CER1: variants seen among roughly 807,000 people sequenced by gnomAD.
CER1 encodes the protein cerberus.
A neutral mutation model predicts 11.8 loss-of-function variants in CER1; 10 were observed. That is an observed-to-expected ratio of 0.85 (90% CI 0.52 to 1.44). The LOEUF (loss-of-function observed/expected upper bound fraction) is 1.44. CER1 is among the 40% of genes most tolerant of loss of function. The pLI is 0.00. For missense variants in CER1, 431 were observed against 327.0 expected (o/e 1.32, Z -2.45); for synonymous variants, 141 against 122.3 (o/e 1.15, Z -1.01).
downstream of CER1, among the ~76,000 whole-genome samples, chr9:14,719,562 CCTTCCT>C (rs1219652783): frequency 4.4e-5 from 2 of 45,564 alleles, no homozygotes; most frequent in Non-Finnish European, 9.1e-5. Flanking sequence ...TGCCTGCCTG[CCTTCCT>C]TCCTTCCTTC....
At chr9:14,721,548 A>C (rs1840012268) in intron 1 of CER1, among the ~76,000 whole-genome samples, 1 of 152,198 alleles carries the variant, frequency 6.6e-6, no homozygotes, top group African/African-American at 2.4e-5. Flanking sequence ...TAATACTAGA[A>C]ATGATATGAC....
chr9:14,720,628 A>G (rs776251950), intron 1 of CER1, among the ~76,000 whole-genome samples: 140 of 152,336 alleles, frequency 9.2e-4, no homozygotes, highest in Non-Finnish European at 1.9e-3. Context: ...AACATAAAAA[A>G]TATTTTACTC....
In CER1 at chr9:14,722,489, G is replaced by A. The variant is rs752154245; in HGVS notation, c.184C>T (p.His62Tyr). ...CCTGCAGGGCTGGTGGCTACAAGGT[G>A]TGGCACTGCGACAAACAGATCTGGC... is the stretch of plus-strand genomic sequence containing the variant. ...EKPDLFVAVP[H>Y]LVATSPAGEG... is the part of the protein sequence containing the mutation. The change falls in exon 1 of 2, where the codon CAC becomes TAC. Residue 62 changes from histidine (H) to tyrosine (Y), a missense_variant. By Grantham distance (83) the His-to-Tyr change is moderately conservative. Transcript: ENST00000380911. 3.1e-6 allele frequency: 5 copies of A among 1,614,058 alleles called. No individual in the cohort carries two copies. Among genetic ancestry groups the A allele is most frequent in the Non-Finnish European group, 3.4e-6 (4 of 1,180,034 alleles).
downstream of CER1, among the ~76,000 whole-genome samples, chr9:14,719,361 T>C (rs1035998663): frequency 5.9e-5 from 9 of 151,944 alleles, no homozygotes; most frequent in African/African-American, 2.2e-4. Context: ...ATATGAGGAG[T>C]ATTGTTAAAA....
At position 14,722,550 on chromosome 9, in the gene CER1, C is replaced by T. The variant is rs771886697; in HGVS notation, c.123G>A (p.Glu41=). 4 of 1,614,190 alleles carry T rather than the reference C, an allele frequency of 2.5e-6. No individual in the cohort carries two copies. Among genetic ancestry groups the T allele is most frequent in the Non-Finnish European group, 3.4e-6 (4 of 1,180,050 alleles). Residue 41 remains glutamate (E), a synonymous_variant, in exon 1 of 2, where the codon GAG becomes GAA. Coordinates refer to ENST00000380911, the MANE Select transcript of CER1 (RefSeq NM_005454.3). ...CTTCCTCATGGTTGCCTGTGGGAAGCTCTCTTTGATTCCTTGGCAGGAGTA... is the reference window on the plus strand; with the variant it reads ...CTTCCTCATGGTTGCCTGTGGGAAGTTCTCTTTGATTCCTTGGCAGGAGTA... ...SPVLLPRNQR[E]LPTGNHEEAE...
downstream of CER1, among the ~76,000 whole-genome samples, chr9:14,718,626 C>A (rs1158381787): frequency 6.6e-6 from 1 of 151,984 alleles, no homozygotes; most frequent in Non-Finnish European, 1.5e-5. Context: ...TTAAAAAAAA[C>A]AGTTATTCTG....
In CER1 at chr9:14,719,980, A is replaced by T; in HGVS notation, c.*110T>A. The T allele has an allele frequency of 1.0e-6, 1 of 989,364 alleles. No individual in the cohort carries two copies. The highest frequency in any genetic ancestry group is 1.5e-6 in the Non-Finnish European group (1 of 653,586). 61.3% of individuals were successfully genotyped at this position (989,364 alleles called of 1,614,324 possible). A position where few individuals can be genotyped will look rare whatever the true frequency, so the allele number is the denominator to read the frequency against. ...CGTTCTAATTTAAAACTACGTTTCA[A>T]GTCACCTTTCCCTGAAAATGTTATG... is the stretch of plus-strand genomic sequence containing the variant. On this transcript the variant is annotated 3_prime_UTR_variant, in exon 2 of 2. Coordinates refer to ENST00000380911, the MANE Select transcript of CER1 (RefSeq NM_005454.3).
At chr9:14,721,660 C>A (rs1494360) in intron 1 of CER1, among the ~76,000 whole-genome samples, 60,438 of 151,960 alleles carry the variant, frequency 0.4, 16,610 homozygotes, top group African/African-American at 0.79. Flanking sequence ...TAAGTATGGA[C>A]TATGGGGATT....
At chr9:14,719,515 C>G (rs966315667), downstream of CER1, among the ~76,000 whole-genome samples, 2 of 147,438 alleles carry the variant, frequency 1.4e-5, no homozygotes, top group African/African-American at 5.0e-5. Context: ...GCCTGCCTCC[C>G]TGCCTGCCTG....
intron 1 of CER1, 81 bp downstream of exon 1, chr9:14,722,085 C>G: frequency 2.0e-6 from 3 of 1,472,234 alleles, no homozygotes; most frequent in South Asian, 2.7e-5. Context: ...CTCCTGACAG[C>G]CTTTTCCCCT....
rs368971916 is a variant in CER1 at position 14,722,296 on chromosome 9, AGAG to A, written c.374_376del (p.Pro125del). Reference sequence around the variant, plus strand: ...CCAGAATTTCTTGGCTTCTTCCCGAAGAGGAGATTTCTCCATTTTCATTCCATC... The same window carrying A: ...CCAGAATTTCTTGGCTTCTTCCCGAAGAGATTTCTCCATTTTCATTCCATC... On this transcript the variant is annotated inframe_deletion, in exon 1 of 2. Coordinates refer to ENST00000380911, the MANE Select transcript of CER1 (RefSeq NM_005454.3). 28 of 1,614,228 alleles carry A rather than the reference AGAG, an allele frequency of 1.7e-5. 1 individual carries two copies. Among genetic ancestry groups the A allele is most frequent in the African/African-American group, 1.7e-4 (13 of 75,070 alleles).
intron 1 of CER1, 84 bp from the exon 2 acceptor site, chr9:14,720,470 G>C: frequency 7.5e-7 from 1 of 1,329,190 alleles, no homozygotes; most frequent in Non-Finnish European, 1.0e-6. Flanking sequence ...CTGTAAATCT[G>C]AGGATAATTT....
intron 1 of CER1, among the ~76,000 whole-genome samples, chr9:14,721,334 G>T (rs1486837738): frequency 6.6e-6 from 1 of 152,156 alleles, no homozygotes; most frequent in Non-Finnish European, 1.5e-5. Context: ...TTGGAATGTA[G>T]ATATTGCCAG....
At chr9:14,718,572 G>A (rs952711184), downstream of CER1, among the ~76,000 whole-genome samples, 3 of 151,798 alleles carry the variant, frequency 2.0e-5, no homozygotes. Flanking sequence ...CATGTTAGAT[G>A]GTGTGATTAA....
intron 1 of CER1, among the ~76,000 whole-genome samples, chr9:14,721,327 G>A (rs1840009822): frequency 6.6e-6 from 1 of 152,114 alleles, no homozygotes; most frequent in South Asian, 2.1e-4. Context: ...TTAACATTTG[G>A]AATGTAGATA....
intron 1 of CER1, 70 bp downstream of exon 1, chr9:14,722,095 TA>T: frequency 6.6e-7 from 1 of 1,513,490 alleles, no homozygotes; most frequent in South Asian, 1.3e-5. Context: ...CCTTTTCCCC[TA>T]CTCTCCATCC....
rs760919343 is a variant in CER1, at chr9:14,722,539, C to T, written c.134G>A (p.Gly45Asp). Reference sequence around the variant, plus strand: ...CTTCTCCTCAGCTTCCTCATGGTTGCCTGTGGGAAGCTCTCTTTGATTCCT... The same window carrying T: ...CTTCTCCTCAGCTTCCTCATGGTTGTCTGTGGGAAGCTCTCTTTGATTCCT... ...LPRNQRELPT[G>D]NHEEAEEKPD... Residue 45 changes from glycine (G) to aspartate (D), a missense_variant, in exon 1 of 2, where the codon GGC becomes GAC. Physicochemically the swap from Gly to Asp is moderately conservative, Grantham distance 94. Coordinates refer to ENST00000380911, the MANE Select transcript of CER1 (RefSeq NM_005454.3). The T allele has an allele frequency of 1.2e-5, 19 of 1,614,174 alleles. No individual in the cohort carries two copies. Among genetic ancestry groups the T allele is most frequent in the Non-Finnish European group, 1.6e-5 (19 of 1,180,042 alleles).
chr9:14,720,130 G>C lies in CER1; in HGVS notation c.764C>G (p.Ala255Gly). Reference sequence around the variant, plus strand: ...TGGGATAAAGGAATCCTGGGAGCCAGCATGTAGGATGTGTCCATCTTCATG... The same window carrying C: ...TGGGATAAAGGAATCCTGGGAGCCACCATGTAGGATGTGTCCATCTTCATG... Reference protein sequence around the residue: ...TEHEDGHILHAGSQDSFIPGV... With the variant: ...TEHEDGHILHGGSQDSFIPGV... Residue 255 changes from alanine to glycine, a missense_variant, in exon 2 of 2, where the codon GCT becomes GGT. Coordinates refer to ENST00000380911, the MANE Select transcript of CER1 (RefSeq NM_005454.3). The C allele has an allele frequency of 1.2e-6, 2 of 1,614,086 alleles. No homozygotes were observed. Among genetic ancestry groups the C allele is most frequent in the Non-Finnish European group, 1.7e-6 (2 of 1,179,988 alleles).
rs1310960815 is a variant in CER1 at position 14,720,225 on chromosome 9, G to A, written c.669C>T (p.Cys223=). Residue 223 remains cysteine, a synonymous_variant, in exon 2 of 2, where the codon TGC becomes TGT. Coordinates refer to ENST00000380911, the MANE Select transcript of CER1 (RefSeq NM_005454.3). ...KFTTMHLPLN[C]TELSSVIKVV... is the part of the protein sequence containing the mutation. Reference sequence around the variant, plus strand: ...CCTTGATCACGGAGGAAAGTTCAGTGCAGTTCAGTGGCAAGTGCATCGTGG... The same window carrying A: ...CCTTGATCACGGAGGAAAGTTCAGTACAGTTCAGTGGCAAGTGCATCGTGG... The A allele has an allele frequency of 6.2e-7, 1 of 1,614,048 alleles. No homozygotes were observed. Among genetic ancestry groups the A allele is most frequent in the Non-Finnish European group, 8.5e-7 (1 of 1,180,050 alleles).
Sources: allele counts gnomAD v4.1 joint callset (sites outside exome capture counted in the v4.1 genomes callset), GRCh38; gene constraint gnomAD v4.1.1; transcripts MANE v1.5; gene names NCBI Gene and HGNC (gene_info 2026-07-23, HGNC 2026-07-21).